SLC27A6: variants seen among roughly 807,000 people sequenced by gnomAD.
SLC27A6 encodes the protein long-chain fatty acid transport protein 6.
In SLC27A6, 74 loss-of-function variants were observed where a neutral mutation model predicts 63.9. That is an observed-to-expected ratio of 1.16 (90% CI 0.96 to 1.40). The LOEUF (loss-of-function observed/expected upper bound fraction) is 1.40, where lower values mean the gene tolerates loss of function less well. Among genes scored for constraint, SLC27A6 ranks in the 40% most tolerant of loss-of-function variants. SLC27A6 has a pLI of 0.00. For synonymous variants in SLC27A6, 287 were observed against 260.8 expected (o/e 1.10, Z -0.97); for missense variants, 794 against 732.9 (o/e 1.08, Z -0.96).
chr5:129,005,651 C>T lies in SLC27A6; in HGVS notation c.970-10234C>T, dbSNP rs543990289. Among the ~76,000 whole-genome samples the T allele has an allele frequency of 4.8e-3, 560 of 117,870 alleles. 2 individuals are homozygous for T. Among genetic ancestry groups the T allele is most frequent in the Admixed American group, 6.3e-3 (50 of 7,920 alleles). The allele number at this position is 117,870 out of a possible 152,430, so 77.3% of individuals were successfully genotyped here. On this transcript the variant is annotated intron_variant, in intron 4 of 9. Transcript: ENST00000262462. ...TTTGCGAGACAGAGTCTCGCTCTGT[C>T]GCTCAGGCTGGAGTGCAGTGGCCTG...
chr5:129,030,059 G>T (rs753809935), intron 9 of SLC27A6, among the ~76,000 whole-genome samples: 1 of 151,974 alleles, frequency 6.6e-6, no homozygotes. Context: ...CCATTAAGGA[G>T]ACATCAAAGA....
At chr5:128,988,573 A>ATG (rs780031420) in intron 2 of SLC27A6, 27 bp from the exon 3 acceptor site, 2 of 1,601,290 alleles carry the variant, frequency 1.2e-6, no homozygotes, top group Non-Finnish European at 1.7e-6. Flanking sequence ...GTGTATATAT[A>ATG]TTTCCTGTTC....
At chr5:129,022,929 A>G (rs1752123318) in intron 5 of SLC27A6, among the ~76,000 whole-genome samples, 1 of 151,968 alleles carries the variant, frequency 6.6e-6, no homozygotes, top group Non-Finnish European at 1.5e-5. Flanking sequence ...ATGTGATAAT[A>G]TGGACATGAT....
At chr5:128,977,667 C>T (rs556193817) in intron 1 of SLC27A6, among the ~76,000 whole-genome samples, 8 of 152,168 alleles carry the variant, frequency 5.3e-5, no homozygotes, top group Non-Finnish European at 1.0e-4. Flanking sequence ...CCACTATAAC[C>T]AGGCTTCCCT....
intron 4 of SLC27A6, among the ~76,000 whole-genome samples, chr5:128,992,606 T>G (rs1181916501): frequency 6.6e-6 from 1 of 152,182 alleles, no homozygotes; most frequent in Non-Finnish European, 1.5e-5. Flanking sequence ...TTTTTAAATA[T>G]TTTTCTCTTC....
intron 6 of SLC27A6, among the ~76,000 whole-genome samples, chr5:129,026,725 T>A (rs1437741037): frequency 6.6e-6 from 1 of 152,132 alleles, no homozygotes; most frequent in Admixed American, 6.5e-5. Context: ...GGGCTCATGG[T>A]AAATGCCCAA....
chr5:129,030,774 A>G (rs575590734), intron 9 of SLC27A6, among the ~76,000 whole-genome samples: 1 of 152,204 alleles, frequency 6.6e-6, no homozygotes, highest in South Asian at 2.1e-4. Flanking sequence ...TGTTACAACC[A>G]GGATGTTAAC....
rs143232842 is a variant in SLC27A6 at position 128,969,653 on chromosome 5, G to A, written c.481+3035G>A. Among the ~76,000 whole-genome samples the A allele has an allele frequency of 3.8e-3, 585 of 152,328 alleles. 1 individual carries two copies. The highest frequency in any genetic ancestry group is 0.013 in the African/African-American group (549 of 41,570). ...TGCTGAAGTTGCTTATCAGCTTAAGGAGATTTTGGGCTGAGATGCTGGGGT... is the reference window on the plus strand; with the variant it reads ...TGCTGAAGTTGCTTATCAGCTTAAGAAGATTTTGGGCTGAGATGCTGGGGT... On this transcript the variant is annotated intron_variant, in intron 1 of 9. Coordinates refer to ENST00000262462, the MANE Select transcript of SLC27A6 (RefSeq NM_001017372.3).
chr5:129,010,285 C>CA (rs932561098), intron 4 of SLC27A6, among the ~76,000 whole-genome samples: 4 of 151,210 alleles, frequency 2.6e-5, no homozygotes, highest in Admixed American at 6.6e-5. Context: ...TTATGGTAGG[C>CA]AAAAAAAATA....
At chr5:129,024,090 T>C (rs895382788) in intron 6 of SLC27A6, among the ~76,000 whole-genome samples, 4 of 149,310 alleles carry the variant, frequency 2.7e-5, no homozygotes, top group Non-Finnish European at 5.9e-5. Flanking sequence ...TATTAGTGAA[T>C]TTAAAAAGGA....
chr5:129,022,013 A>G (rs1269475785), intron 5 of SLC27A6, among the ~76,000 whole-genome samples: 3 of 152,226 alleles, frequency 2.0e-5, no homozygotes, highest in Non-Finnish European at 4.4e-5. Context: ...GAAAAGAATA[A>G]GTAATGAACA....
Position 128,965,821 on chromosome 5 carries a change from C to A in SLC27A6, c.-317C>A. The A allele has an allele frequency of 3.9e-6, 1 of 256,768 alleles. No homozygotes were observed. Among genetic ancestry groups the A allele is most frequent in the Non-Finnish European group, 7.5e-6 (1 of 133,950 alleles). 15.9% of individuals were successfully genotyped at this position (256,768 alleles called of 1,614,324 possible). ...GCGGTTGGGAGGCGAGGGCGCAGCG[C>A]TGGGGTTGTAGATTCCAAGACCCCT... On this transcript the variant is annotated 5_prime_UTR_variant, in exon 1 of 10. The change creates a new upstream start codon in the 5' untranslated region. Coordinates refer to ENST00000262462, the MANE Select transcript of SLC27A6 (RefSeq NM_001017372.3).
At chr5:128,991,077 A>G (rs1273225545) in intron 4 of SLC27A6, among the ~76,000 whole-genome samples, 1 of 152,250 alleles carries the variant, frequency 6.6e-6, no homozygotes, top group Non-Finnish European at 1.5e-5. Flanking sequence ...GACCCAAAGC[A>G]GGTTGCCACT....
chr5:129,019,434 G>T (rs574853917), intron 5 of SLC27A6, among the ~76,000 whole-genome samples: 13 of 149,714 alleles, frequency 8.7e-5, no homozygotes, highest in Non-Finnish European at 1.6e-4. Context: ...AATAAAGCTC[G>T]GAAAAAAAAA....
At chr5:128,969,975 G>T (rs149651657) in intron 1 of SLC27A6, among the ~76,000 whole-genome samples, 3 of 151,904 alleles carry the variant, frequency 2.0e-5, no homozygotes, top group Non-Finnish European at 4.4e-5. Context: ...TAGCATGAAG[G>T]GCTGTTGAAT....
intron 5 of SLC27A6, among the ~76,000 whole-genome samples, chr5:129,019,898 G>A (rs1303428757): frequency 6.6e-6 from 1 of 151,766 alleles, no homozygotes; most frequent in Non-Finnish European, 1.5e-5. Flanking sequence ...ACAGATCAAA[G>A]AAAAAAATAA....
chr5:129,009,709 C>T (rs1456095798), intron 4 of SLC27A6, among the ~76,000 whole-genome samples: 4 of 151,998 alleles, frequency 2.6e-5, no homozygotes, highest in Admixed American at 2.0e-4. Flanking sequence ...CTGTGTCACT[C>T]TGTTGCCCCG....
intron 4 of SLC27A6, among the ~76,000 whole-genome samples, chr5:129,002,450 C>CTCTCTTGTTCCTTCCG (rs368051019): frequency 0.023 from 3,474 of 151,568 alleles, 146 homozygotes; most frequent in African/African-American, 0.08. Flanking sequence ...CCATTGTTCC[C>CTCTCTTGTTCCTTCCG]TCTCTTGTTC....
chr5:128,980,908 G>A (rs1010393214), intron 1 of SLC27A6, among the ~76,000 whole-genome samples: 7 of 152,020 alleles, frequency 4.6e-5, no homozygotes, highest in Non-Finnish European at 5.9e-5. Flanking sequence ...CATACTAATG[G>A]CATATTAGAG....
Sources: gnomAD v4.1 joint callset for allele counts (sites outside exome capture counted in the v4.1 genomes callset) on GRCh38, gnomAD v4.1.1 for gene constraint, MANE v1.5 for transcripts, NCBI Gene and HGNC (gene_info 2026-07-23, HGNC 2026-07-21) for gene names.